The following GPC5 variants were observed in gnomAD, a reference collection of about 807,000 sequenced individuals.
GPC5 encodes the protein glypican 5, also known as glypican-5.
A neutral mutation model predicts 53.9 loss-of-function variants in GPC5; 47 were observed. The ratio of observed to expected loss-of-function variants is 0.87; its 90% confidence interval spans 0.69 to 1.11. The LOEUF (loss-of-function observed/expected upper bound fraction) is 1.11. Ranked by LOEUF, GPC5 falls within the 50% of genes most tolerant of loss-of-function variation. The pLI is 0.00. For missense variants in GPC5, 748 were observed against 713.1 expected (o/e 1.05, Z -0.56); for synonymous variants, 286 against 263.3 (o/e 1.09, Z -0.84).
At chr13:92,410,707 TTTAATTAA>T (rs1876003921) in intron 7 of GPC5, among the ~76,000 whole-genome samples, 1 of 152,208 alleles carries the variant, frequency 6.6e-6, no homozygotes, top group Non-Finnish European at 1.5e-5. Context: ...ATAAAACCAC[TTTAATTAA>T]CTTGAGTTAA....
intron 7 of GPC5, among the ~76,000 whole-genome samples, chr13:92,623,335 A>G (rs1566326433): frequency 6.6e-6 from 1 of 152,178 alleles, no homozygotes; most frequent in Non-Finnish European, 1.5e-5. Context: ...GGAGAGTTAA[A>G]TATTTTTGGA....
intron 6 of GPC5, among the ~76,000 whole-genome samples, chr13:92,011,544 G>A (rs2040661539): frequency 6.6e-6 from 1 of 152,046 alleles, no homozygotes; most frequent in Non-Finnish European, 1.5e-5. Flanking sequence ...AGCCATCTTA[G>A]TCCCAGATCT....
At chr13:92,635,341 C>G (rs1436026761) in intron 7 of GPC5, among the ~76,000 whole-genome samples, 4 of 152,076 alleles carry the variant, frequency 2.6e-5, no homozygotes, top group Non-Finnish European at 4.4e-5. Context: ...ATTTAAAAAA[C>G]AGAAATTTAT....
chr13:91,947,473 C>A (rs757637364), intron 6 of GPC5, among the ~76,000 whole-genome samples: 1 of 152,176 alleles, frequency 6.6e-6, no homozygotes, highest in Non-Finnish European at 1.5e-5. Context: ...CTCCAGTTTT[C>A]GACTTCATAA....
chr13:92,646,958 G>GTGTA (rs1885794320), intron 7 of GPC5, among the ~76,000 whole-genome samples: 1 of 150,776 alleles, frequency 6.6e-6, no homozygotes, highest in Non-Finnish European at 1.5e-5. Context: ...GTGTGTGTGT[G>GTGTA]TGTGTGTGTA....
At chr13:92,223,871 T>C (rs1241293706) in intron 7 of GPC5, among the ~76,000 whole-genome samples, 1 of 152,168 alleles carries the variant, frequency 6.6e-6, no homozygotes, top group Non-Finnish European at 1.5e-5. Flanking sequence ...AGCTTGGCCT[T>C]ACCGCTGAGA....
intron 7 of GPC5, among the ~76,000 whole-genome samples, chr13:92,543,919 C>T (rs985632755): frequency 7.2e-5 from 11 of 151,886 alleles, no homozygotes; most frequent in Non-Finnish European, 1.3e-4. Flanking sequence ...TTTCAGAATA[C>T]ATATCAAAAT....
intron 7 of GPC5, among the ~76,000 whole-genome samples, chr13:92,289,859 A>G (rs968318836): frequency 2.6e-5 from 4 of 152,064 alleles, no homozygotes; most frequent in African/African-American, 9.7e-5. Context: ...AAAAGCTCAT[A>G]ATCTGCCTAA....
chr13:91,784,045 CAG>C (rs1162410129), intron 5 of GPC5, among the ~76,000 whole-genome samples: 1 of 152,088 alleles, frequency 6.6e-6, no homozygotes, highest in African/African-American at 2.4e-5. Context: ...TACTTTAAAA[CAG>C]AGATATATTA....
At chr13:92,783,676 A>T (rs991232142) in intron 7 of GPC5, among the ~76,000 whole-genome samples, 4 of 152,296 alleles carry the variant, frequency 2.6e-5, no homozygotes, top group African/African-American at 2.4e-5. Context: ...AACAATGAGA[A>T]TATGATAAAA....
At chr13:92,340,003 A>C (rs568641359) in intron 7 of GPC5, 2 of 151,936 alleles carry the variant, frequency 1.3e-5, no homozygotes, top group Admixed American at 1.3e-4. Flanking sequence ...AACAAAAAAA[A>C]CATATATATG....
chr13:92,562,436 G>C lies in GPC5; in HGVS notation c.1562-303846G>C, dbSNP rs1411071029. Among the ~76,000 whole-genome samples the C allele has an allele frequency of 4.6e-5, 7 of 152,008 alleles. No individual in the cohort carries two copies. In the East Asian group the frequency reaches 1.4e-3, roughly 29 times the overall value. ...TACAAGGCTGAATGTTGAAGTGGAA[G>C]CCATTAGAGGGCACTGAGATAACAA... is the stretch of plus-strand genomic sequence containing the variant. On this transcript the variant is annotated intron_variant, in intron 7 of 7. Transcript: ENST00000377067.
chr13:91,500,710 A>G (rs554613234), intron 2 of GPC5, among the ~76,000 whole-genome samples: 21 of 152,212 alleles, frequency 1.4e-4, no homozygotes, highest in African/African-American at 4.6e-4. Flanking sequence ...AGAACTATAA[A>G]TTTTACAGCT....
chr13:92,125,924 G>GTTTT (rs1190169532), intron 6 of GPC5, among the ~76,000 whole-genome samples: 1 of 75,874 alleles, frequency 1.3e-5, no homozygotes, highest in African/African-American at 5.3e-5. Context: ...TTGTTTTTTG[G>GTTTT]TTTTTTTTTT....
At chr13:92,072,960 T>G (rs2138868382) in intron 6 of GPC5, among the ~76,000 whole-genome samples, 1 of 152,298 alleles carries the variant, frequency 6.6e-6, no homozygotes, top group South Asian at 2.1e-4. Context: ...ACTATTAAAC[T>G]TAATAAAATT....
intron 6 of GPC5, among the ~76,000 whole-genome samples, chr13:91,994,266 A>T (rs778473161): frequency 2.0e-5 from 3 of 152,242 alleles, no homozygotes; most frequent in Non-Finnish European, 4.4e-5. Context: ...TTATGATAGC[A>T]TCTAACACAT....
chr13:92,130,247 C>T (rs946912227), intron 6 of GPC5, among the ~76,000 whole-genome samples: 9 of 151,356 alleles, frequency 5.9e-5, no homozygotes, highest in Admixed American at 4.0e-4. Context: ...CTAGGAGACC[C>T]GAACTACAGA....
At chr13:91,560,662 C>A (rs1354379957) in intron 2 of GPC5, among the ~76,000 whole-genome samples, 1 of 152,092 alleles carries the variant, frequency 6.6e-6, no homozygotes, top group Non-Finnish European at 1.5e-5. Flanking sequence ...TCTTGCAGCA[C>A]CCTCGTTGTA....
At chr13:91,873,768 C>T (rs1175299282) in intron 5 of GPC5, among the ~76,000 whole-genome samples, 1 of 152,204 alleles carries the variant, frequency 6.6e-6, no homozygotes, top group Non-Finnish European at 1.5e-5. Context: ...ACTGCAACCC[C>T]TGCCTCCCAG....
Sources: gnomAD v4.1 joint callset for allele counts (sites outside exome capture counted in the v4.1 genomes callset) on GRCh38, gnomAD v4.1.1 for gene constraint, MANE v1.5 for transcripts, NCBI Gene and HGNC (gene_info 2026-07-23, HGNC 2026-07-21) for gene names.